The following SORCS3 variants were observed in gnomAD, a reference collection of about 807,000 sequenced individuals.
The protein encoded by SORCS3 is VPS10 domain-containing receptor SorCS3.
A neutral mutation model predicts 146.3 loss-of-function variants in SORCS3; 57 were observed. The observed-to-expected ratio is 0.39, with a 90% CI of 0.31 to 0.49. The LOEUF (loss-of-function observed/expected upper bound fraction) is 0.49. SORCS3 is among the 20% of genes least tolerant of loss of function. The probability of loss-of-function intolerance (pLI) is 0.92; values close to 1 mark genes in which losing one functional copy is unlikely to be tolerated. For missense variants in SORCS3, 1,341 were observed against 1,575.5 expected, an observed-to-expected ratio of 0.85 and a Z score of 2.52; for synonymous variants, 653 against 618.5, an observed-to-expected ratio of 1.06 and a Z score of -0.83.
chr10:104,749,021 G>C (rs2016948414), intron 1 of SORCS3, among the ~76,000 whole-genome samples: 1 of 152,202 alleles, frequency 6.6e-6, no homozygotes, highest in African/African-American at 2.4e-5. Context: ...TGAAGCAGGA[G>C]CATGGCTATG....
intron 1 of SORCS3, among the ~76,000 whole-genome samples, chr10:104,802,330 T>C (rs895752388): frequency 6.6e-6 from 1 of 152,204 alleles, no homozygotes; most frequent in Non-Finnish European, 1.5e-5. Flanking sequence ...ACAACAAAGA[T>C]GAGATTTTAT....
intron 1 of SORCS3, among the ~76,000 whole-genome samples, chr10:104,837,310 T>C (rs1196220849): frequency 6.6e-6 from 1 of 152,210 alleles, no homozygotes; most frequent in African/African-American, 2.4e-5. Flanking sequence ...TCAAATAAGA[T>C]GTCAGATGCC....
intron 1 of SORCS3, among the ~76,000 whole-genome samples, chr10:104,797,683 C>T (rs559956686): frequency 4.6e-5 from 7 of 152,188 alleles, no homozygotes; most frequent in African/African-American, 1.7e-4. Context: ...AAGGTGGGAC[C>T]AGGCTTTGAA....
intron 1 of SORCS3, among the ~76,000 whole-genome samples, chr10:104,840,006 A>AAGG (rs1222259169): frequency 6.6e-6 from 1 of 152,172 alleles, no homozygotes; most frequent in African/African-American, 2.4e-5. Context: ...GTCACCCATC[A>AAGG]AGGAGTCCTG....
chr10:105,242,667 T>TATATTTATATAC lies in SORCS3; in HGVS notation c.2869-2873_2869-2872insATTTATATACAT, dbSNP rs1564793749. 9.8e-4 allele frequency among the ~76,000 whole-genome samples: 97 copies of TATATTTATATAC among 99,198 alleles called. 2 individuals carry two copies. The highest frequency in any genetic ancestry group is 2.1e-3 in the African/African-American group (51 of 23,888). The allele number at this position is 99,198 out of a possible 152,430, so 65.1% of individuals were successfully genotyped here. ...ATATATATTTATATACATTTATATA[T>TATATTTATATAC]ATTTATATATATTTATATACATTTA... On this transcript the variant is annotated intron_variant, in intron 20 of 26. Transcript: ENST00000369701.
At chr10:105,154,597 A>G (rs1359406052) in intron 9 of SORCS3, among the ~76,000 whole-genome samples, 1 of 152,214 alleles carries the variant, frequency 6.6e-6, no homozygotes, top group African/African-American at 2.4e-5. Context: ...ATTTCAAACA[A>G]CAGTGGGTGG....
chr10:104,895,104 C>T (rs1212586860), intron 2 of SORCS3, among the ~76,000 whole-genome samples: 1 of 152,194 alleles, frequency 6.6e-6, no homozygotes, highest in Non-Finnish European at 1.5e-5. Context: ...GGTGGAGTAC[C>T]ATGACAGGAG....
At chr10:105,004,000 C>CTTTTTTTTTTTTTTTTTTT (rs1226455197) in intron 4 of SORCS3, among the ~76,000 whole-genome samples, 21 of 140,228 alleles carry the variant, frequency 1.5e-4, no homozygotes, top group African/African-American at 3.0e-4. Context: ...TCTTCTCTCT[C>CTTTTTTTTTTTTTTTTTTT]TTTTTTTTTT....
chr10:104,793,667 C>T lies in SORCS3; in HGVS notation c.628-49125C>T, dbSNP rs368851345. On this transcript the variant is annotated intron_variant, in intron 1 of 26. Coordinates refer to ENST00000369701, the MANE Select transcript of SORCS3 (RefSeq NM_014978.3). ...CTCTACATGCTGGGAAGCACAGTGA[C>T]ACCATGAACCAGGACAGTGACACAG... is the stretch of plus-strand genomic sequence containing the variant. Among the ~76,000 whole-genome samples the T allele has an allele frequency of 3.3e-5, 5 of 152,268 alleles. No individual in the cohort carries two copies. In the East Asian group the frequency reaches 7.7e-4, roughly 24 times the overall value.
intron 2 of SORCS3, among the ~76,000 whole-genome samples, chr10:104,907,127 C>CTGTGTGTGTGTGTGTG (rs139418206): frequency 2.0e-4 from 29 of 147,990 alleles, no homozygotes; most frequent in African/African-American, 7.2e-4. Context: ...CTGTATAGTA[C>CTGTGTGTGTGTGTGTG]TGTGTGTGTG....
intron 1 of SORCS3, 120 bp downstream of exon 1, chr10:104,642,074 T>G: frequency 8.2e-7 from 1 of 1,213,426 alleles, no homozygotes. Context: ...GCCTCGACTT[T>G]TCGAGATAAC....
intron 1 of SORCS3, among the ~76,000 whole-genome samples, chr10:104,663,600 A>G (rs2015729749): frequency 6.6e-6 from 1 of 152,126 alleles, no homozygotes; most frequent in Admixed American, 6.5e-5. Flanking sequence ...AAGCTTAGGT[A>G]GGGATGGGAG....
intron 7 of SORCS3, among the ~76,000 whole-genome samples, chr10:105,120,270 G>A (rs562459361): frequency 6.6e-6 from 1 of 152,152 alleles, no homozygotes; most frequent in African/African-American, 2.4e-5. Context: ...AGTTTCCTGA[G>A]GCCTTTCCAG....
intron 8 of SORCS3, among the ~76,000 whole-genome samples, chr10:105,142,953 C>G (rs2056105627): frequency 6.6e-6 from 1 of 152,054 alleles, no homozygotes; most frequent in South Asian, 2.1e-4. Flanking sequence ...TTTTACATTT[C>G]CCCAAATACT....
intron 2 of SORCS3, among the ~76,000 whole-genome samples, chr10:104,880,649 G>T (rs1167892666): frequency 6.6e-6 from 1 of 152,006 alleles, no homozygotes; most frequent in African/African-American, 2.4e-5. Context: ...CCTCCAGCAG[G>T]CCCTCCCCCG....
chr10:105,216,857 C>CAT, intron 18 of SORCS3, 79 bp from the exon 19 acceptor site: 2 of 1,430,360 alleles, frequency 1.4e-6, no homozygotes, highest in Non-Finnish European at 2.0e-6. Flanking sequence ...GAGGTTGATG[C>CAT]TGAAGCAACA....
At chr10:105,039,542 C>A (rs928837879) in intron 4 of SORCS3, among the ~76,000 whole-genome samples, 1 of 150,186 alleles carries the variant, frequency 6.7e-6, no homozygotes, top group Non-Finnish European at 1.5e-5. Context: ...CTGCAGCCTC[C>A]GCCTCCCAGG....
intron 1 of SORCS3, among the ~76,000 whole-genome samples, chr10:104,790,068 G>T (rs1214671740): frequency 6.6e-6 from 1 of 152,194 alleles, no homozygotes; most frequent in Admixed American, 6.5e-5. Flanking sequence ...GCCTGTCCAG[G>T]ATCTATAACT....
intron 20 of SORCS3, among the ~76,000 whole-genome samples, chr10:105,242,881 T>C (rs1483011622): frequency 1.9e-5 from 2 of 107,172 alleles, no homozygotes; most frequent in Non-Finnish European, 3.4e-5. Flanking sequence ...ATATATAAAT[T>C]ATATATAATA....
Sources: gnomAD v4.1 joint callset for allele counts (sites outside exome capture counted in the v4.1 genomes callset) on GRCh38, gnomAD v4.1.1 for gene constraint, MANE v1.5 for transcripts, NCBI Gene and HGNC (gene_info 2026-07-23, HGNC 2026-07-21) for gene names.